The following RPAP2 variants were observed in gnomAD, a reference collection of about 807,000 sequenced individuals.
RPAP2 encodes putative RNA polymerase II subunit B1 CTD phosphatase RPAP2.
In RPAP2, 52 loss-of-function variants were observed where a neutral mutation model predicts 73.1. That is an observed-to-expected ratio of 0.71 (90% CI 0.57 to 0.90). RPAP2 has a LOEUF of 0.90. RPAP2 is among the 40% of genes least tolerant of loss of function. The probability of loss-of-function intolerance (pLI) is 0.00; values close to 1 mark genes in which losing one functional copy is unlikely to be tolerated. For missense variants in RPAP2, 598 were observed against 701.8 expected (o/e 0.85, Z 1.67); for synonymous variants, 225 against 242.1 (o/e 0.93, Z 0.65).
At chr1:92,359,349 C>A (rs934056915) in intron 11 of RPAP2, among the ~76,000 whole-genome samples, 2 of 152,152 alleles carry the variant, frequency 1.3e-5, no homozygotes, top group African/African-American at 4.8e-5. Context: ...GACAGAGTTA[C>A]GCTCTTGTTG....
At chr1:92,321,264 T>TC (rs1652241269) in intron 7 of RPAP2, among the ~76,000 whole-genome samples, 1 of 152,176 alleles carries the variant, frequency 6.6e-6, no homozygotes, top group African/African-American at 2.4e-5. Context: ...GCCTTAAAAC[T>TC]CCAAGAGAAA....
chr1:92,306,317 A>C (rs151211444), intron 5 of RPAP2, among the ~76,000 whole-genome samples: 23 of 152,356 alleles, frequency 1.5e-4, no homozygotes, highest in African/African-American at 4.8e-4. Context: ...GAAGGTACTT[A>C]ATACCACTGT....
At chr1:92,357,333 T>G (rs1227512718) in intron 11 of RPAP2, among the ~76,000 whole-genome samples, 3 of 152,156 alleles carry the variant, frequency 2.0e-5, no homozygotes, top group Admixed American at 6.5e-5. Context: ...TTGGGATTCA[T>G]AGAAGTAAAA....
chr1:92,373,970 T>C (rs1413781407), intron 11 of RPAP2, among the ~76,000 whole-genome samples: 2 of 152,088 alleles, frequency 1.3e-5, no homozygotes, highest in Non-Finnish European at 2.9e-5. Flanking sequence ...TGGCAAACTT[T>C]GGTAAAGGAC....
rs1188010328 is a variant in RPAP2 at position 92,389,694 on chromosome 1, G to A, written c.*2683G>A. The A allele has an allele frequency of 2.6e-5, 4 of 152,136 alleles. No individual in the cohort carries two copies. Among genetic ancestry groups the A allele is most frequent in the Admixed American group, 6.6e-5 (1 of 15,264 alleles). 9.4% of individuals were successfully genotyped at this position (152,136 alleles called of 1,614,324 possible). A position where few individuals can be genotyped will look rare whatever the true frequency, so the allele number is the denominator to read the frequency against. The stretch of plus-strand genomic sequence containing the variant: ...ACTAGAATAACCAGTGTAGAGAAGA[G>A]CTTAAATGACCTGATGGAGCTGAAA... On this transcript the variant is annotated 3_prime_UTR_variant, in exon 13 of 13. Transcript: ENST00000610020.
intron 11 of RPAP2, among the ~76,000 whole-genome samples, chr1:92,355,678 T>C (rs1654427730): frequency 6.6e-6 from 1 of 152,162 alleles, no homozygotes; most frequent in Non-Finnish European, 1.5e-5. Context: ...TTAGTTGACA[T>C]TATACAGGTT....
At chr1:92,358,054 A>C (rs952440004) in intron 11 of RPAP2, among the ~76,000 whole-genome samples, 1 of 152,140 alleles carries the variant, frequency 6.6e-6, no homozygotes, top group Non-Finnish European at 1.5e-5. Context: ...GTAAGTTTTG[A>C]GTAGAATAAC....
intron 12 of RPAP2, among the ~76,000 whole-genome samples, chr1:92,385,549 T>C (rs1359178597): frequency 1.3e-5 from 2 of 152,192 alleles, no homozygotes; most frequent in Non-Finnish European, 2.9e-5. Flanking sequence ...GAAGGTTTTT[T>C]TGTTTGCATT....
chr1:92,343,414 A>G (rs1653706787), intron 10 of RPAP2, among the ~76,000 whole-genome samples: 2 of 152,326 alleles, frequency 1.3e-5, no homozygotes, highest in East Asian at 3.9e-4. Flanking sequence ...ACTACTGAGG[A>G]CAGATCTGGA....
intron 10 of RPAP2, among the ~76,000 whole-genome samples, chr1:92,341,200 G>A (rs904918990): frequency 6.6e-6 from 1 of 151,958 alleles, no homozygotes; most frequent in Non-Finnish European, 1.5e-5. Flanking sequence ...GTAGAGACGA[G>A]GTTTCACCAT....
In RPAP2 at chr1:92,391,494, A is replaced by T. The variant is rs1483638315; in HGVS notation, c.*4483A>T. 1 of 152,132 alleles carries T rather than the reference A, an allele frequency of 6.6e-6. No individual in the cohort carries two copies. Among genetic ancestry groups the T allele is most frequent in the Admixed American group, 6.6e-5 (1 of 15,258 alleles). 9.4% of individuals were successfully genotyped at this position (152,132 alleles called of 1,614,324 possible). A position where few individuals can be genotyped will look rare whatever the true frequency, so the allele number is the denominator to read the frequency against. ...AGAACTAGAGAAGCAAGACCAAACAAATTCAAAAGCTAGCAGAAGGCAAGA... is the reference window on the plus strand; with the variant it reads ...AGAACTAGAGAAGCAAGACCAAACATATTCAAAAGCTAGCAGAAGGCAAGA... On this transcript the variant is annotated 3_prime_UTR_variant, in exon 13 of 13. Transcript: ENST00000610020.
rs148437789 is a variant in RPAP2 at position 92,324,267 on chromosome 1, C to T, written c.1347C>T (p.Tyr449=). The T allele has an allele frequency of 1.5e-3, 2,366 of 1,613,850 alleles. 3 individuals are homozygous for T. The highest frequency in any genetic ancestry group is 1.9e-3 in the Admixed American group (117 of 60,020). The change falls in exon 8 of 13, where the codon TAC becomes TAT. Residue 449 remains tyrosine (Y), a synonymous_variant. Coordinates refer to ENST00000610020, the MANE Select transcript of RPAP2 (RefSeq NM_024813.3). ...CAGCCATTAAACCACTGCCAAGTTA[C>T]GAGAATTTGAAAAAAGAAACTGAAA... The part of the protein sequence containing the change: ...SGTAIKPLPS[Y]ENLKKETEKL...
rs1470962509 is a variant in RPAP2 at position 92,371,315 on chromosome 1, AAAAAATATATAT to A, written c.1689-9407_1689-9396del. 0.015 allele frequency among the ~76,000 whole-genome samples: 587 copies of A among 39,286 alleles called. 1 individual carries two copies. The East Asian group carries it at 0.2, about 13-fold the overall frequency. The allele number at this position is 39,286 out of a possible 152,430, so 25.8% of individuals were successfully genotyped here. On this transcript the variant is annotated intron_variant, in intron 11 of 12. Transcript: ENST00000610020. ...GTGAGTCTCTGTCTCAAAAAAAAAA[AAAAAATATATAT>A]ATATATATATACCTACAGTATAATC...
rs553938711 is a variant in RPAP2 at position 92,392,969 on chromosome 1, G to A, written c.*5958G>A. The A allele has an allele frequency of 6.6e-6, 1 of 152,152 alleles. No homozygotes were observed. The highest frequency in any genetic ancestry group is 1.9e-4 in the East Asian group (1 of 5,176). 9.4% of individuals were successfully genotyped at this position (152,152 alleles called of 1,614,324 possible). On this transcript the variant is annotated 3_prime_UTR_variant, in exon 13 of 13. Coordinates refer to ENST00000610020, the MANE Select transcript of RPAP2 (RefSeq NM_024813.3). ...TACCACTAACTTTCTTCACAGAATTGGAAAAAACTACTTTAAGATTCATAT... is the reference window on the plus strand; with the variant it reads ...TACCACTAACTTTCTTCACAGAATTAGAAAAAACTACTTTAAGATTCATAT...
chr1:92,321,019 G>C (rs1308619317), intron 7 of RPAP2, among the ~76,000 whole-genome samples: 1 of 152,132 alleles, frequency 6.6e-6, no homozygotes, highest in East Asian at 1.9e-4. Context: ...TTAATTATTT[G>C]AAAGAGCATC....
Position 92,345,915 on chromosome 1 carries a change from G to GT in RPAP2, c.1688+2dup. ...TAATTGCTATGGTGTTGCTGTCATT[G>GT]TAAGTACTCTCTCAGATTTTAACTC... is the stretch of plus-strand genomic sequence containing the variant. On this transcript the variant is annotated splice_donor_variant, in intron 11 of 12. Coordinates refer to ENST00000610020, the MANE Select transcript of RPAP2 (RefSeq NM_024813.3). LOFTEE classifies it high-confidence loss of function. The GT allele has an allele frequency of 6.3e-7, 1 of 1,590,092 alleles. No individual in the cohort carries two copies.
chr1:92,324,112 C>A lies in RPAP2; in HGVS notation c.1192C>A (p.Pro398Thr). ...GQNYASVCLK[P>T]EASLVKEELD... ...GAATTATGCTTCTGTGTGTCTGAAA[C>A]CCGAAGCCTCTCTGGTTAAAGAAGA... The change falls in exon 8 of 13, where the codon CCC becomes ACC. Residue 398 changes from proline to threonine, a missense_variant. Physicochemically the swap from Pro to Thr is conservative, Grantham distance 38. Transcript: ENST00000610020. 1 of 1,614,080 alleles carries A rather than the reference C, an allele frequency of 6.2e-7. No homozygotes were observed. The highest frequency in any genetic ancestry group is 8.5e-7 in the Non-Finnish European group (1 of 1,179,986).
intron 3 of RPAP2, among the ~76,000 whole-genome samples, chr1:92,303,250 G>A (rs1650986594): frequency 6.6e-6 from 1 of 152,148 alleles, no homozygotes; most frequent in African/African-American, 2.4e-5. Flanking sequence ...AACTGCATCA[G>A]AATCTGCATA....
intron 8 of RPAP2, among the ~76,000 whole-genome samples, chr1:92,329,583 G>A (rs2101208927): frequency 6.6e-6 from 1 of 152,318 alleles, no homozygotes; most frequent in Non-Finnish European, 1.5e-5. Context: ...TGTTTCTGCG[G>A]TAGTTCTTGG....
Sources: allele counts gnomAD v4.1 joint callset (sites outside exome capture counted in the v4.1 genomes callset), GRCh38; gene constraint gnomAD v4.1.1; transcripts MANE v1.5; gene names NCBI Gene and HGNC (gene_info 2026-07-23, HGNC 2026-07-21).